PEAK1: variants seen among roughly 807,000 people sequenced by gnomAD.
PEAK1 encodes pseudopodium enriched atypical kinase 1, also known as inactive tyrosine-protein kinase PEAK1.
In PEAK1, 54 loss-of-function variants were observed where a neutral mutation model predicts 124.7. The ratio of observed to expected loss-of-function variants is 0.43; its 90% CI spans 0.35 to 0.54. The LOEUF is 0.54. Among genes scored for constraint, PEAK1 ranks in the 20% least tolerant of loss-of-function variants. The probability of loss-of-function intolerance (pLI) is 0.01; values close to 1 mark genes in which losing one functional copy is unlikely to be tolerated. For synonymous variants in PEAK1, 719 were observed against 760.0 expected, an observed-to-expected ratio of 0.95 and a Z score of 0.89; for missense variants, 2,046 against 2,134.5, an observed-to-expected ratio of 0.96 and a Z score of 0.82.
chr15:77,130,514 T>C (rs1856146007), intron 9 of PEAK1, among the ~76,000 whole-genome samples: 1 of 152,020 alleles, frequency 6.6e-6, no homozygotes, highest in African/African-American at 2.4e-5. Context: ...GGTAGCTAGC[T>C]GAAGGTCTGT....
At chr15:77,289,869 A>G (rs959885726) in intron 2 of PEAK1, among the ~76,000 whole-genome samples, 13 of 152,132 alleles carry the variant, frequency 8.5e-5, no homozygotes, top group African/African-American at 3.1e-4. Context: ...AAGATAATAC[A>G]CTAGTCATAG....
chr15:77,322,584 A>G (rs1343199002), intron 2 of PEAK1, among the ~76,000 whole-genome samples: 3 of 152,350 alleles, frequency 2.0e-5, no homozygotes, highest in African/African-American at 7.2e-5. Context: ...ACCAGGAAGA[A>G]GCTGAATCTC....
At chr15:77,305,228 A>AG (rs2064030199) in intron 2 of PEAK1, among the ~76,000 whole-genome samples, 1 of 24,272 alleles carries the variant, frequency 4.1e-5, no homozygotes, top group Admixed American at 5.9e-4. Flanking sequence ...GGTGGGTGGG[A>AG]GGGAGAGATG....
chr15:77,133,011 T>C lies in PEAK1; in HGVS notation c.4071A>G (p.Ala1357=). The C allele has an allele frequency of 6.2e-7, 1 of 1,604,968 alleles. No individual in the cohort carries two copies. Among genetic ancestry groups the C allele is most frequent in the African/African-American group, 1.3e-5 (1 of 74,782 alleles). ...ATTTATAATATTTTCTTACCTTGAC[T>C]GCATAGTTATTAAGTGGATCTTTTG... ...SYAKDPLNNY[A]VKICKSKAKE... Residue 1357 remains alanine (A), a synonymous_variant, in exon 9 of 10, where the codon GCA becomes GCG. Transcript: ENST00000682557. This position sits in a 1 kb window ranked among gnomAD's most constrained non-coding sequence, Gnocchi z 4.2.
At chr15:77,313,674 G>GTT (rs1567244648) in intron 2 of PEAK1, among the ~76,000 whole-genome samples, 12 of 116,748 alleles carry the variant, frequency 1.0e-4, no homozygotes, top group African/African-American at 4.5e-4. Context: ...GTGTGTGTGT[G>GTT]TGTGTGTGTG....
chr15:77,152,117 T>C (rs1216297366), intron 8 of PEAK1, among the ~76,000 whole-genome samples: 1 of 152,100 alleles, frequency 6.6e-6, no homozygotes, highest in Non-Finnish European at 1.5e-5. Context: ...TTCCCACCTA[T>C]GAACATGTAA....
At chr15:77,336,718 T>C (rs1493700) in intron 2 of PEAK1, 169,292 of 245,434 alleles carry the variant, frequency 0.69, 60,190 homozygotes, top group Non-Finnish European at 0.76. Context: ...ACATTATTAA[T>C]GGCACATGGA....
At chr15:77,419,650 A>T in intron 1 of PEAK1, 1 of 984,800 alleles carries the variant, frequency 1.0e-6, no homozygotes, top group Non-Finnish European at 1.2e-6. Flanking sequence ...TTTCCCCCGC[A>T]ACCTCCCAGC....
chr15:77,399,823 T>C (rs890254846), intron 1 of PEAK1, among the ~76,000 whole-genome samples: 7 of 152,122 alleles, frequency 4.6e-5, no homozygotes, highest in Admixed American at 2.6e-4. Flanking sequence ...TGGGATCACA[T>C]CAAGTTTAAC....
chr15:77,370,692 G>A (rs1396854205), intron 1 of PEAK1: 2 of 984,646 alleles, frequency 2.0e-6, no homozygotes, highest in Non-Finnish European at 2.4e-6. Context: ...AATGGAGACA[G>A]TCTATTTCTG....
At chr15:77,303,455 A>C (rs2152993557) in intron 2 of PEAK1, among the ~76,000 whole-genome samples, 1 of 152,354 alleles carries the variant, frequency 6.6e-6, no homozygotes, top group African/African-American at 2.4e-5. Context: ...ATTGCTGAGT[A>C]GTGGTACCAC....
At chr15:77,164,903 T>G (rs1374305858) in intron 7 of PEAK1, among the ~76,000 whole-genome samples, 3 of 151,692 alleles carry the variant, frequency 2.0e-5, no homozygotes, top group Non-Finnish European at 4.4e-5. Context: ...CAGGCTTTCT[T>G]TCTTTTTTTT....
At chr15:77,184,854 A>G (rs967814668) in intron 6 of PEAK1, among the ~76,000 whole-genome samples, 5 of 147,836 alleles carry the variant, frequency 3.4e-5, no homozygotes, top group African/African-American at 1.2e-4. Context: ...CCGAGGTTGC[A>G]TTGTGCCACT....
intron 1 of PEAK1, among the ~76,000 whole-genome samples, chr15:77,373,293 G>A (rs1437635222): frequency 3.3e-5 from 5 of 152,004 alleles, no homozygotes; most frequent in Admixed American, 3.3e-4. Flanking sequence ...TACTCATTAT[G>A]GAAGTCTTCC....
intron 9 of PEAK1, among the ~76,000 whole-genome samples, chr15:77,118,918 G>C (rs2051639348): frequency 9.1e-6 from 1 of 110,422 alleles, no homozygotes; most frequent in Non-Finnish European, 2.2e-5. Context: ...ATTCTGTGCT[G>C]TCTATATTTT....
intron 7 of PEAK1, among the ~76,000 whole-genome samples, chr15:77,171,348 A>T (rs1022907139): frequency 6.6e-6 from 1 of 152,176 alleles, no homozygotes; most frequent in Admixed American, 6.5e-5. Flanking sequence ...AATCCATTTT[A>T]TTTTAAAAAA....
At chr15:77,288,398 T>TG (rs1290582535) in intron 2 of PEAK1, among the ~76,000 whole-genome samples, 4 of 152,218 alleles carry the variant, frequency 2.6e-5, no homozygotes, top group Admixed American at 2.0e-4. Flanking sequence ...TCACTTTCTC[T>TG]GGAAACCCTG....
At chr15:77,342,797 C>T (rs751326728) in intron 2 of PEAK1, among the ~76,000 whole-genome samples, 1 of 152,080 alleles carries the variant, frequency 6.6e-6, no homozygotes, top group Non-Finnish European at 1.5e-5. Flanking sequence ...GATTTCTTTC[C>T]TTTCTAAAGC....
intron 2 of PEAK1, among the ~76,000 whole-genome samples, chr15:77,308,375 A>G (rs2064228458): frequency 6.6e-6 from 1 of 152,088 alleles, no homozygotes. Context: ...ATATATGGCA[A>G]TATTATGTGA....
Sources: gnomAD v4.1 joint callset for allele counts (sites outside exome capture counted in the v4.1 genomes callset) on GRCh38, gnomAD v4.1.1 for gene constraint, Gnocchi (gnomAD v3.1) non-coding constraint, MANE v1.5 for transcripts, NCBI Gene and HGNC (gene_info 2026-07-23, HGNC 2026-07-21) for gene names.